The following SPATS2 variants were observed in gnomAD, a reference collection of about 807,000 sequenced individuals.
The protein encoded by SPATS2 is spermatogenesis associated serine rich 2, also known as spermatogenesis-associated serine-rich protein 2.
Under a neutral mutation model 63.7 loss-of-function variants are expected in SPATS2, and 38 were observed. The ratio of observed to expected loss-of-function variants is 0.60; its 90% CI spans 0.46 to 0.78. The LOEUF (loss-of-function observed/expected upper bound fraction) is 0.78. SPATS2 is among the 30% of genes least tolerant of loss of function. The pLI, the probability that SPATS2 is intolerant of heterozygous loss-of-function variation, is 0.00. For synonymous variants in SPATS2, 207 were observed against 232.9 expected, an observed-to-expected ratio of 0.89 and a Z score of 1.01; for missense variants, 588 against 666.2, an observed-to-expected ratio of 0.88 and a Z score of 1.29.
At chr12:49,410,203 G>A (rs1189800696) in intron 2 of SPATS2, among the ~76,000 whole-genome samples, 1 of 152,032 alleles carries the variant, frequency 6.6e-6, no homozygotes, top group Non-Finnish European at 1.5e-5. Context: ...AGCCTCCTGA[G>A]TAGCTGGGAT....
chr12:49,492,027 C>G (rs1946390935), intron 6 of SPATS2, among the ~76,000 whole-genome samples: 1 of 152,128 alleles, frequency 6.6e-6, no homozygotes, highest in African/African-American at 2.4e-5. Flanking sequence ...AGGTCTTGAA[C>G]AAAAACCAGG....
chr12:49,526,438 T>A lies in SPATS2; in HGVS notation c.*183T>A, dbSNP rs1947037530. 1 of 752,120 alleles carries A rather than the reference T, an allele frequency of 1.3e-6. No homozygotes were observed. The highest frequency in any genetic ancestry group is 2.1e-5 in the South Asian group (1 of 48,144). The allele number at this position is 752,120 out of a possible 1,614,324, so 46.6% of individuals were successfully genotyped here. On this transcript the variant is annotated 3_prime_UTR_variant, in exon 14 of 14. Coordinates refer to ENST00000552918, the MANE Select transcript of SPATS2 (RefSeq NM_023071.4). ...TCTTTACCATTTTTGGAGGGGAAGC[T>A]ATTTTTTTTCCTTGATCTTTCCCAG...
At chr12:49,463,788 T>G (rs1054149093) in intron 3 of SPATS2, among the ~76,000 whole-genome samples, 8 of 152,240 alleles carry the variant, frequency 5.3e-5, no homozygotes, top group African/African-American at 9.6e-5. Flanking sequence ...TGAGTTATGT[T>G]TTTATTCAGC....
At chr12:49,434,351 A>G (rs368033128) in intron 2 of SPATS2, among the ~76,000 whole-genome samples, 24 of 152,182 alleles carry the variant, frequency 1.6e-4, no homozygotes, top group African/African-American at 5.5e-4. Flanking sequence ...CTGGTATTAA[A>G]TACATTCACA....
chr12:49,458,884 T>C (rs1945769037), intron 2 of SPATS2, among the ~76,000 whole-genome samples: 1 of 152,200 alleles, frequency 6.6e-6, no homozygotes, highest in Admixed American at 6.5e-5. Context: ...CTTCCTGCAA[T>C]ATGGACTAAT....
At chr12:49,497,279 C>T (rs575014741) in intron 8 of SPATS2, among the ~76,000 whole-genome samples, 1 of 152,248 alleles carries the variant, frequency 6.6e-6, no homozygotes, top group Non-Finnish European at 1.5e-5. Flanking sequence ...GATTTACCTG[C>T]TAACATTAAC....
At chr12:49,502,259 C>T (rs1223105435) in intron 9 of SPATS2, among the ~76,000 whole-genome samples, 1 of 151,838 alleles carries the variant, frequency 6.6e-6, no homozygotes, top group Non-Finnish European at 1.5e-5. Context: ...TAGGTCCCCT[C>T]AGTCCTCCTG....
chr12:49,417,265 A>C (rs1944904939), intron 2 of SPATS2, among the ~76,000 whole-genome samples: 1 of 152,256 alleles, frequency 6.6e-6, no homozygotes, highest in African/African-American at 2.4e-5. Flanking sequence ...GCTTGAATCC[A>C]TAAGTAACAT....
chr12:49,497,637 G>A (rs1290878594), intron 8 of SPATS2, among the ~76,000 whole-genome samples: 2 of 151,904 alleles, frequency 1.3e-5, no homozygotes, highest in Non-Finnish European at 2.9e-5. Context: ...CTCGTGATCC[G>A]CCTGTCTCGG....
intron 2 of SPATS2, among the ~76,000 whole-genome samples, chr12:49,456,621 A>G (rs918816689): frequency 6.6e-6 from 1 of 152,216 alleles, no homozygotes; most frequent in African/African-American, 2.4e-5. Context: ...AAGACTCAGG[A>G]TGAGAGATTC....
chr12:49,488,108 G>A (rs150341675), intron 4 of SPATS2, among the ~76,000 whole-genome samples: 3,763 of 151,382 alleles, frequency 0.025, 76 homozygotes, highest in Non-Finnish European at 0.036. Context: ...GCAATGGCGC[G>A]ATCTCGACTC....
chr12:49,402,507 C>T (rs889192481), intron 2 of SPATS2, among the ~76,000 whole-genome samples: 5 of 152,086 alleles, frequency 3.3e-5, no homozygotes, highest in African/African-American at 1.2e-4. Flanking sequence ...ATTGTAACGA[C>T]AAGGTCTAGG....
intron 9 of SPATS2, among the ~76,000 whole-genome samples, chr12:49,512,523 A>C (rs1057149833): frequency 3.3e-5 from 5 of 152,144 alleles, no homozygotes; most frequent in African/African-American, 1.2e-4. Context: ...AACAAAGTTT[A>C]TTTAAATGAA....
At chr12:49,451,417 C>T (rs1375584332) in intron 2 of SPATS2, among the ~76,000 whole-genome samples, 1 of 152,120 alleles carries the variant, frequency 6.6e-6, no homozygotes, top group Admixed American at 6.5e-5. Flanking sequence ...TCCTTTTATG[C>T]AATTGTTTTC....
At chr12:49,430,144 A>C (rs1162979065) in intron 2 of SPATS2, among the ~76,000 whole-genome samples, 24 of 119,606 alleles carry the variant, frequency 2.0e-4, no homozygotes, top group African/African-American at 7.6e-4. Flanking sequence ...TCTGTCCCCC[A>C]GCCTGGAGTG....
chr12:49,519,210 T>C, intron 11 of SPATS2, 28 bp downstream of exon 11: 1 of 1,578,130 alleles, frequency 6.3e-7, no homozygotes, highest in Non-Finnish European at 8.7e-7. Context: ...TTTCTGCCTT[T>C]CTTCTTATCC....
intron 2 of SPATS2, among the ~76,000 whole-genome samples, chr12:49,460,349 G>A (rs960856275): frequency 9.9e-5 from 15 of 152,252 alleles, no homozygotes; most frequent in African/African-American, 3.1e-4. Flanking sequence ...AGCTACTCGG[G>A]AGGCTGAGGC....
chr12:49,492,715 T>A (rs1226429626), intron 6 of SPATS2, among the ~76,000 whole-genome samples: 1 of 152,128 alleles, frequency 6.6e-6, no homozygotes, highest in Non-Finnish European at 1.5e-5. Flanking sequence ...ATTAGTCCAA[T>A]AGGATGTGAC....
upstream of SPATS2, chr12:49,366,986 TC>T (rs1216690155): frequency 1.3e-5 from 2 of 151,724 alleles, no homozygotes; most frequent in Non-Finnish European, 2.9e-5. Context: ...ATCTACTTTG[TC>T]CCCAACCCTC....
Sources: gnomAD v4.1 joint callset for allele counts (sites outside exome capture counted in the v4.1 genomes callset) on GRCh38, gnomAD v4.1.1 for gene constraint, MANE v1.5 for transcripts, NCBI Gene and HGNC (gene_info 2026-07-23, HGNC 2026-07-21) for gene names.